Variants in COL6A6 observed in about 807,000 individuals in gnomAD.
The protein encoded by COL6A6 is collagen type VI alpha 6 chain.
Under a neutral mutation model 208.6 loss-of-function variants are expected in COL6A6, and 183 were observed. The ratio of observed to expected loss-of-function variants is 0.88; its 90% CI spans 0.78 to 0.99. COL6A6 has a LOEUF of 0.99. Ranked by LOEUF, COL6A6 falls within the 50% of genes least tolerant of loss-of-function variation. COL6A6 has a pLI of 0.00. For synonymous variants in COL6A6, 973 were observed against 1,011.8 expected, an observed-to-expected ratio of 0.96 and a Z score of 0.73; for missense variants, 2,816 against 2,815.2, an observed-to-expected ratio of 1.00 and a Z score of -0.01.
chr3:130,577,842 T>A (rs1481307394), intron 8 of COL6A6, among the ~76,000 whole-genome samples: 5 of 152,228 alleles, frequency 3.3e-5, no homozygotes, highest in Non-Finnish European at 5.9e-5. Flanking sequence ...AGCACGTTGC[T>A]GAGAGTACCA....
intron 1 of COL6A6, among the ~76,000 whole-genome samples, chr3:130,527,464 C>A (rs146395529): frequency 1.3e-5 from 2 of 152,126 alleles, no homozygotes; most frequent in Admixed American, 6.6e-5. Context: ...CAGCACCCCC[C>A]GCCAAGGGCA....
At chr3:130,674,521 T>G (rs571167666) in intron 36 of COL6A6, among the ~76,000 whole-genome samples, 52 of 152,216 alleles carry the variant, frequency 3.4e-4, no homozygotes, top group Non-Finnish European at 6.8e-4. Context: ...TCTATTTCTA[T>G]GTCCCCCATT....
chr3:130,622,455 A>G (rs1435458374), intron 24 of COL6A6, among the ~76,000 whole-genome samples: 2 of 152,176 alleles, frequency 1.3e-5, no homozygotes, highest in Non-Finnish European at 2.9e-5. Flanking sequence ...ACCCCAAAGA[A>G]TATTTTCATA....
chr3:130,614,970 ATCT>A (rs1030038118), intron 23 of COL6A6, among the ~76,000 whole-genome samples: 12 of 151,774 alleles, frequency 7.9e-5, no homozygotes, highest in African/African-American at 2.9e-4. Flanking sequence ...TGATTTGTTG[ATCT>A]TCTGTATGAT....
intron 19 of COL6A6, 38 bp downstream of exon 19, chr3:130,598,468 T>G: frequency 8.1e-6 from 11 of 1,359,510 alleles, no homozygotes; most frequent in African/African-American, 1.5e-5. Context: ...ATGCAACAAC[T>G]GTGGGGCTTA....
intron 32 of COL6A6, chr3:130,646,479 C>G (rs551244036): frequency 6.5e-6 from 1 of 152,800 alleles, no homozygotes; most frequent in East Asian, 1.9e-4. Context: ...GAGGCTGAGG[C>G]AGGAGAATCA....
At chr3:130,544,081 C>T (rs1039404365) in intron 1 of COL6A6, among the ~76,000 whole-genome samples, 1 of 152,256 alleles carries the variant, frequency 6.6e-6, no homozygotes, top group East Asian at 1.9e-4. Flanking sequence ...CTATAATTCT[C>T]ACGTACATTA....
chr3:130,653,399 C>A (rs1040293794), intron 33 of COL6A6, among the ~76,000 whole-genome samples: 1 of 152,124 alleles, frequency 6.6e-6, no homozygotes, highest in Non-Finnish European at 1.5e-5. Context: ...TGGCACCCAA[C>A]CTTTTTATTT....
At chr3:130,642,949 T>C in intron 30 of COL6A6, 38 bp from the exon 31 acceptor site, 1 of 1,613,724 alleles carries the variant, frequency 6.2e-7, no homozygotes, top group Non-Finnish European at 8.5e-7. Context: ...CCTAGCAGTT[T>C]GTTGTTTAAT....
intron 1 of COL6A6, among the ~76,000 whole-genome samples, chr3:130,517,756 A>T (rs536236441): frequency 1.2e-4 from 18 of 152,254 alleles, no homozygotes; most frequent in Admixed American, 2.0e-4. Context: ...GGGCCTGGCG[A>T]GTGGCATGTA....
At chr3:130,635,871 C>T (rs2065098039) in intron 28 of COL6A6, 110 bp downstream of exon 28, 1 of 789,470 alleles carries the variant, frequency 1.3e-6, no homozygotes, top group Non-Finnish European at 2.1e-6. Flanking sequence ...TTGCAAAATG[C>T]ATGTGTTTTC....
chr3:130,606,596 A>G (rs2064189698), intron 20 of COL6A6, among the ~76,000 whole-genome samples: 1 of 152,250 alleles, frequency 6.6e-6, no homozygotes, highest in Non-Finnish European at 1.5e-5. Flanking sequence ...TAAAATTCAA[A>G]TAAGTCAATT....
At chr3:130,661,523 T>A in intron 34 of COL6A6, 114 bp from the exon 35 acceptor site, 1 of 781,396 alleles carries the variant, frequency 1.3e-6, no homozygotes. Flanking sequence ...TTAAAGTATT[T>A]AGTCACTATT....
intron 36 of COL6A6, among the ~76,000 whole-genome samples, chr3:130,672,921 A>G (rs1267425902): frequency 6.6e-6 from 1 of 151,392 alleles, no homozygotes; most frequent in Non-Finnish European, 1.5e-5. Context: ...AGGCAGGAGA[A>G]TCACTCGAAA....
chr3:130,613,562 A>G (rs1356131720), intron 23 of COL6A6, among the ~76,000 whole-genome samples: 1 of 152,192 alleles, frequency 6.6e-6, no homozygotes, highest in Non-Finnish European at 1.5e-5. Flanking sequence ...TGTCATTGGT[A>G]GTTTGATGGA....
intron 17 of COL6A6, 47 bp from the exon 18 acceptor site, chr3:130,594,234 A>T (rs1383004025): frequency 7.2e-7 from 1 of 1,382,194 alleles, no homozygotes; most frequent in African/African-American, 1.4e-5. Flanking sequence ...TATTAATTTT[A>T]TTAAAACTTC....
At chr3:130,643,163 A>C (rs778433759) in intron 31 of COL6A6, 140 bp downstream of exon 31, 18 of 855,674 alleles carry the variant, frequency 2.1e-5, no homozygotes, top group Non-Finnish European at 3.3e-5. Context: ...GAGTCAGCAT[A>C]GACTGGTGAC....
At position 130,553,291 on chromosome 3, in the gene COL6A6, A is replaced by G. The variant is rs539942585; in HGVS notation, c.-31-7043A>G. Among the ~76,000 whole-genome samples, 13 of 152,306 alleles carry G rather than the reference A, an allele frequency of 8.5e-5. No individual in the cohort carries two copies. In the South Asian group the frequency reaches 2.7e-3, roughly 32 times the overall value. On this transcript the variant is annotated intron_variant, in intron 1 of 36. Transcript: ENST00000358511. ...TCTCTTTCAGGAATGCCAATGAGTCATAGATTGGTCTCTGTACATAATTCC... is the reference window on the plus strand; with the variant it reads ...TCTCTTTCAGGAATGCCAATGAGTCGTAGATTGGTCTCTGTACATAATTCC...
At chr3:130,583,872 G>A (rs1045890518) in intron 10 of COL6A6, among the ~76,000 whole-genome samples, 2 of 152,088 alleles carry the variant, frequency 1.3e-5, no homozygotes, top group African/African-American at 4.8e-5. Flanking sequence ...ACTTGGTGCT[G>A]GGCCCTATGA....
Sources: gnomAD v4.1 joint callset for allele counts (sites outside exome capture counted in the v4.1 genomes callset) on GRCh38, gnomAD v4.1.1 for gene constraint, MANE v1.5 for transcripts, NCBI Gene and HGNC (gene_info 2026-07-23, HGNC 2026-07-21) for gene names.